Variants in FAM149B1 observed in about 807,000 individuals in gnomAD.
FAM149B1 encodes the protein family with sequence similarity 149 member B1.
FAM149B1 carries 56 observed loss-of-function variants against 75.3 expected under a neutral mutation model. That is an observed-to-expected ratio of 0.74 (90% CI 0.60 to 0.93). The LOEUF is 0.93. Among genes scored for constraint, FAM149B1 ranks in the 40% least tolerant of loss-of-function variants. FAM149B1 has a pLI of 0.00. For synonymous variants in FAM149B1, 259 were observed against 256.1 expected, an observed-to-expected ratio of 1.01 and a Z score of -0.11; for missense variants, 639 against 708.4, an observed-to-expected ratio of 0.90 and a Z score of 1.11.
At chr10:73,208,419 T>G (rs1373816534) in intron 5 of FAM149B1, among the ~76,000 whole-genome samples, 200 bp from the exon 6 acceptor site, 1 of 152,226 alleles carries the variant, frequency 6.6e-6, no homozygotes, top group Non-Finnish European at 1.5e-5. Context: ...AGATAGTCCA[T>G]AGTACATGTA....
At chr10:73,172,762 T>C (rs1401236463) in intron 1 of FAM149B1, among the ~76,000 whole-genome samples, 1 of 152,080 alleles carries the variant, frequency 6.6e-6, no homozygotes, top group African/African-American at 2.4e-5. Flanking sequence ...AAATATGATA[T>C]AAGCCACATA....
intron 3 of FAM149B1, among the ~76,000 whole-genome samples, chr10:73,184,802 GA>G: frequency 6.6e-6 from 1 of 152,216 alleles, no homozygotes; most frequent in East Asian, 1.9e-4. Flanking sequence ...AATGTCTACA[GA>G]AAAACAGGGA....
chr10:73,180,088 G>T (rs2042360912), intron 3 of FAM149B1, among the ~76,000 whole-genome samples: 1 of 152,188 alleles, frequency 6.6e-6, no homozygotes, highest in South Asian at 2.1e-4. Context: ...AATACAAAAG[G>T]TGATAAGTGC....
chr10:73,214,814 A>T (rs569917200), intron 7 of FAM149B1, among the ~76,000 whole-genome samples: 50 of 152,316 alleles, frequency 3.3e-4, no homozygotes, highest in African/African-American at 1.2e-3. Context: ...GCCTCATAGA[A>T]TAAGTTAAGG....
chr10:73,174,922 A>G, intron 2 of FAM149B1, 131 bp downstream of exon 2: 3 of 608,646 alleles, frequency 4.9e-6, no homozygotes, highest in Admixed American at 2.9e-5. Flanking sequence ...TGTTCTCAGT[A>G]CCATTTAGTT....
At chr10:73,212,210 T>C (rs2043199034) in intron 7 of FAM149B1, among the ~76,000 whole-genome samples, 2 of 152,240 alleles carry the variant, frequency 1.3e-5, no homozygotes, top group Non-Finnish European at 2.9e-5. Context: ...CAGTCCTCTG[T>C]TGATGGACAC....
intron 5 of FAM149B1, 58 bp downstream of exon 5, chr10:73,193,651 T>C (rs1029795696): frequency 7.4e-6 from 11 of 1,494,726 alleles, no homozygotes; most frequent in Non-Finnish European, 9.9e-6. Flanking sequence ...TATTATGTCC[T>C]ACCAGTTGTA....
intron 2 of FAM149B1, among the ~76,000 whole-genome samples, chr10:73,176,840 A>G (rs531468556): frequency 7.2e-5 from 11 of 152,316 alleles, no homozygotes; most frequent in African/African-American, 2.4e-4. Flanking sequence ...CAGCCTGGCC[A>G]ACATGGCAAA....
chr10:73,236,521 C>A (rs2043826250), intron 12 of FAM149B1, among the ~76,000 whole-genome samples: 1 of 149,376 alleles, frequency 6.7e-6, no homozygotes. Context: ...TCATGTGATT[C>A]TCCTGCCTCA....
intron 8 of FAM149B1, among the ~76,000 whole-genome samples, chr10:73,228,651 G>A (rs910549050): frequency 1.6e-4 from 24 of 151,812 alleles, no homozygotes; most frequent in Admixed American, 1.2e-3. Flanking sequence ...AGGCTGGAGC[G>A]CAGTGGCATG....
At chr10:73,216,226 CTGTT>C (rs777117902) in intron 7 of FAM149B1, among the ~76,000 whole-genome samples, 14 of 152,298 alleles carry the variant, frequency 9.2e-5, no homozygotes, top group South Asian at 2.1e-4. Flanking sequence ...CTCCTGCTCA[CTGTT>C]GATTTCCATT....
Position 73,228,265 on chromosome 10 carries a change from G to A in FAM149B1, c.1023+81G>A, listed in dbSNP as rs941316691. On this transcript the variant is annotated intron_variant, in intron 8 of 13. Coordinates refer to ENST00000242505, the MANE Select transcript of FAM149B1 (RefSeq NM_173348.2). ...TTGCTCAGAGTTGTTTGCCTTACTT[G>A]TATGATTTCTGACTCAATATGTTTT... 15 of 1,190,964 alleles carry A rather than the reference G, an allele frequency of 1.3e-5. No homozygotes were observed. The Admixed American group carries it at 2.6e-4, about 21-fold the overall frequency. The allele number at this position is 1,190,964 out of a possible 1,614,324, so 73.8% of individuals were successfully genotyped here.
rs1223058715 is a variant in FAM149B1 at position 73,239,336 on chromosome 10, T to C, written c.1627T>C (p.Cys543Arg). 1.3e-6 allele frequency: 2 copies of C among 1,551,742 alleles called. No homozygotes were observed. Among genetic ancestry groups the C allele is most frequent in the Non-Finnish European group, 1.7e-6 (2 of 1,146,992 alleles). Reference sequence around the variant, plus strand: ...GCTGGATACACAGTATCGTCGCTCATGTGCAGTTGAGTATCCTCATCAGGC... The same window carrying C: ...GCTGGATACACAGTATCGTCGCTCACGTGCAGTTGAGTATCCTCATCAGGC... ...FLLDTQYRRS[C>R]AVEYPHQARP... The change falls in exon 13 of 14, where the codon TGT becomes CGT. Residue 543 changes from cysteine (C) to arginine (R), a missense_variant. By Grantham distance (180) the Cys-to-Arg change is radical. Coordinates refer to ENST00000242505, the MANE Select transcript of FAM149B1 (RefSeq NM_173348.2).
rs967124424 is a variant in FAM149B1 at position 73,241,396 on chromosome 10, T to A, written c.*377T>A. ...AAAAGCAGCAAATCATCAGTGACAA[T>A]ATCACTGGCTTCAGAATACTTCAGC... On this transcript the variant is annotated 3_prime_UTR_variant, in exon 14 of 14. Coordinates refer to ENST00000242505, the MANE Select transcript of FAM149B1 (RefSeq NM_173348.2). 3 of 234,226 alleles carry A rather than the reference T, an allele frequency of 1.3e-5. No individual in the cohort carries two copies. The Admixed American group carries it at 1.5e-4, about 12-fold the overall frequency. The allele number at this position is 234,226 out of a possible 1,614,324, so 14.5% of individuals were successfully genotyped here.
chr10:73,204,771 CTTTTTTTTTTT>C (rs772508767), intron 5 of FAM149B1, among the ~76,000 whole-genome samples: 2 of 92,940 alleles, frequency 2.2e-5, no homozygotes, highest in South Asian at 3.4e-4. Context: ...TGTGATTATT[CTTTTTTTTTTT>C]TTTTTTTTTT....
At chr10:73,232,907 A>C (rs2043739130) in intron 9 of FAM149B1, 32 bp from the exon 10 acceptor site, 8 of 1,260,276 alleles carry the variant, frequency 6.3e-6, no homozygotes, top group Non-Finnish European at 7.9e-6. Context: ...ACTGATCTTT[A>C]CTTCATTGTG....
chr10:73,241,132 T>G lies in FAM149B1; in HGVS notation c.*113T>G, dbSNP rs2043943120. ...GAAGATCGACTAGAAATCATCTTCA[T>G]GAAGAGTGATTTTGGCACAAGTGAC... On this transcript the variant is annotated 3_prime_UTR_variant, in exon 14 of 14. Coordinates refer to ENST00000242505, the MANE Select transcript of FAM149B1 (RefSeq NM_173348.2). 2.8e-6 allele frequency: 2 copies of G among 717,826 alleles called. No individual in the cohort carries two copies. Among genetic ancestry groups the G allele is most frequent in the African/African-American group, 3.7e-5 (2 of 54,314 alleles). The allele number at this position is 717,826 out of a possible 1,614,324, so 44.5% of individuals were successfully genotyped here. A position where few individuals can be genotyped will look rare whatever the true frequency, so the allele number is the denominator to read the frequency against.
At position 73,177,917 on chromosome 10, in the gene FAM149B1, G is replaced by C. The variant is rs1242418765; in HGVS notation, c.224G>C (p.Ser75Thr). The C allele has an allele frequency of 6.4e-7, 1 of 1,551,624 alleles. No homozygotes were observed. Among genetic ancestry groups the C allele is most frequent in the African/African-American group, 1.4e-5 (1 of 73,038 alleles). Residue 75 changes from serine to threonine, a missense_variant, in exon 3 of 14, where the codon AGT becomes ACT. Coordinates refer to ENST00000242505, the MANE Select transcript of FAM149B1 (RefSeq NM_173348.2). Reference sequence around the variant, plus strand: ...GGGAATTCACTGTCTGCTTTTCCAAGTTATACAGGCGCAGGGATATCTACT... The same window carrying C: ...GGGAATTCACTGTCTGCTTTTCCAACTTATACAGGCGCAGGGATATCTACT... Reference protein sequence around the residue: ...DTGNSLSAFPSYTGAGISTEG... With the variant: ...DTGNSLSAFPTYTGAGISTEG...
intron 13 of FAM149B1, among the ~76,000 whole-genome samples, chr10:73,240,138 G>C (rs1177582439): frequency 1.3e-5 from 2 of 152,168 alleles, no homozygotes; most frequent in African/African-American, 4.8e-5. Context: ...CAGGCTGCAG[G>C]ATGTCTTAAT....
Sources: gnomAD v4.1 joint callset for allele counts (sites outside exome capture counted in the v4.1 genomes callset) on GRCh38, gnomAD v4.1.1 for gene constraint, MANE v1.5 for transcripts, NCBI Gene and HGNC (gene_info 2026-07-23, HGNC 2026-07-21) for gene names.